NFASC: variants seen among roughly 807,000 people sequenced by gnomAD.
NFASC encodes neurofascin.
A neutral mutation model predicts 147.5 loss-of-function variants in NFASC; 43 were observed. The observed-to-expected ratio is 0.29, with a 90% CI of 0.23 to 0.38. The LOEUF (loss-of-function observed/expected upper bound fraction) is 0.38. Ranked by LOEUF, NFASC falls within the 10% of genes least tolerant of loss-of-function variation. The probability of loss-of-function intolerance (pLI) is 1.00; values close to 1 mark genes in which losing one functional copy is unlikely to be tolerated. For synonymous variants in NFASC, 622 were observed against 665.5 expected (o/e 0.93, Z 1.01); for missense variants, 1,320 against 1,689.0 (o/e 0.78, Z 3.83).
rs1057226282 is a variant in NFASC at position 204,910,622 on chromosome 1, T to C, written c.-199-10010T>C. On this transcript the variant is annotated intron_variant, in intron 1 of 29. Transcript: ENST00000339876. ...GCAAGACACCACATCCAGGCTTGCA[T>C]CTGGATGTGCTGAGTTGCACCTGCA... Among the ~76,000 whole-genome samples, 7 of 152,058 alleles carry C rather than the reference T, an allele frequency of 4.6e-5. No homozygotes were observed. The South Asian group carries it at 1.5e-3, about 32-fold the overall frequency.
At chr1:204,992,157 G>C (rs1439688020) in intron 24 of NFASC, among the ~76,000 whole-genome samples, 3 of 152,126 alleles carry the variant, frequency 2.0e-5, no homozygotes, top group African/African-American at 7.2e-5. Flanking sequence ...GGGACCCCAG[G>C]GTTCCTTTCC....
intron 1 of NFASC, among the ~76,000 whole-genome samples, chr1:204,847,526 T>C (rs1190371139): frequency 6.6e-6 from 1 of 152,178 alleles, no homozygotes; most frequent in Non-Finnish European, 1.5e-5. Flanking sequence ...CTTCTTACCT[T>C]GGGGCTGCTG....
rs1388388198 is a variant in NFASC at position 204,944,501 on chromosome 1, A to G, written c.91+95A>G. 12 of 921,136 alleles carry G rather than the reference A, an allele frequency of 1.3e-5. No individual in the cohort carries two copies. The Admixed American group carries it at 2.4e-4, about 18-fold the overall frequency. 57.1% of individuals were successfully genotyped at this position (921,136 alleles called of 1,614,324 possible). ...GTCAGAGGAAAGTTCAGATAATCCA[A>G]GGAGATTGAGGAGAGGGGACGCAGT... On this transcript the variant is annotated intron_variant, in intron 3 of 29. Coordinates refer to ENST00000339876, the MANE Select transcript of NFASC (RefSeq NM_001005388.3).
chr1:204,953,592 G>A (rs1197011413), intron 5 of NFASC, among the ~76,000 whole-genome samples: 1 of 152,124 alleles, frequency 6.6e-6, no homozygotes, highest in African/African-American at 2.4e-5. Flanking sequence ...CACCGCGCCC[G>A]GCCAAAAGCT....
Position 204,968,526 on chromosome 1 carries a change from A to G in NFASC, c.818+166A>G. The stretch of plus-strand genomic sequence containing the variant: ...GGTGTTGCAAACCATAGTCATCTCC[A>G]TCCTATCCTGGCCATCTCTGTTTTG... On this transcript the variant is annotated intron_variant, in intron 9 of 29. Coordinates refer to ENST00000339876, the MANE Select transcript of NFASC (RefSeq NM_001005388.3). This position sits in a 1 kb window ranked among gnomAD's most constrained non-coding sequence, Gnocchi z 5.4. 1 of 626,740 alleles carries G rather than the reference A, an allele frequency of 1.6e-6. No homozygotes were observed. The highest frequency in any genetic ancestry group is 1.9e-5 in the South Asian group (1 of 51,354). The allele number at this position is 626,740 out of a possible 1,614,324, so 38.8% of individuals were successfully genotyped here.
At chr1:204,933,481 A>G (rs1309937445) in intron 2 of NFASC, among the ~76,000 whole-genome samples, 1 of 152,200 alleles carries the variant, frequency 6.6e-6, no homozygotes, top group African/African-American at 2.4e-5. Flanking sequence ...CAATGGAGAC[A>G]CTGAATTTTA....
intron 3 of NFASC, 124 bp from the exon 4 acceptor site, chr1:204,950,433 C>T: frequency 7.0e-6 from 6 of 856,692 alleles, no homozygotes; most frequent in East Asian, 2.6e-5. Flanking sequence ...CTGTGCTCAG[C>T]GCCCTCCCCA....
chr1:204,857,214 C>A (rs2076230342), intron 1 of NFASC, among the ~76,000 whole-genome samples: 1 of 152,218 alleles, frequency 6.6e-6, no homozygotes, highest in Admixed American at 6.5e-5. Context: ...GAAGATGACC[C>A]CTTACAATTT....
intron 1 of NFASC, among the ~76,000 whole-genome samples, chr1:204,865,455 A>G (rs2077032094): frequency 6.6e-6 from 1 of 152,214 alleles, no homozygotes; most frequent in African/African-American, 2.4e-5. Flanking sequence ...CTGTAGTGTG[A>G]GGTTTGTAGT....
In NFASC at chr1:204,870,691, C is replaced by T. The variant is rs866949987; in HGVS notation, c.-200+41909C>T. Reference sequence around the variant, plus strand: ...GCGGTGAGCGAGTGAGCAAGCCGGCCGAGGGAGGGGTGAGTGGTTATTAAT... The same window carrying T: ...GCGGTGAGCGAGTGAGCAAGCCGGCTGAGGGAGGGGTGAGTGGTTATTAAT... On this transcript the variant is annotated intron_variant, in intron 1 of 29. Coordinates refer to ENST00000339876, the MANE Select transcript of NFASC (RefSeq NM_001005388.3). 54 of 1,080,380 alleles carry T rather than the reference C, an allele frequency of 5.0e-5. 1 individual carries two copies. In the East Asian group the frequency reaches 1.7e-3, roughly 34 times the overall value. The allele number at this position is 1,080,380 out of a possible 1,614,324, so 66.9% of individuals were successfully genotyped here. A position where few individuals can be genotyped will look rare whatever the true frequency, so the allele number is the denominator to read the frequency against.
intron 3 of NFASC, chr1:204,946,198 G>A (rs1228797263): frequency 4.8e-6 from 2 of 416,840 alleles, no homozygotes; most frequent in East Asian, 1.4e-4. Context: ...CTAGCTTAGA[G>A]TCACACAGCA....
rs192213968 is a variant in NFASC at position 204,903,100 on chromosome 1, T to A, written c.-199-17532T>A. ...TTTGCTTCAGTGACATTGGGCTAAT[T>A]TGACTAGATGATTGCCAAGTCCCCC... On this transcript the variant is annotated intron_variant, in intron 1 of 29. Coordinates refer to ENST00000339876, the MANE Select transcript of NFASC (RefSeq NM_001005388.3). Among the ~76,000 whole-genome samples, 78 of 152,330 alleles carry A rather than the reference T, an allele frequency of 5.1e-4. No homozygotes were observed. The East Asian group carries it at 0.014, about 28-fold the overall frequency.
intron 1 of NFASC, among the ~76,000 whole-genome samples, chr1:204,887,737 C>A (rs2148983129): frequency 6.6e-6 from 1 of 152,034 alleles, no homozygotes; most frequent in South Asian, 2.1e-4. Context: ...GCTGGGACCA[C>A]AGGTGTGTAC....
At chr1:204,988,934 C>T (rs1348588937) in intron 23 of NFASC, 128 bp downstream of exon 23, 6 of 852,638 alleles carry the variant, frequency 7.0e-6, no homozygotes, top group South Asian at 3.0e-5. Context: ...CTCAAGCCCT[C>T]GGAAGGTGAG....
chr1:204,856,383 G>GT (rs2076162444), intron 1 of NFASC, among the ~76,000 whole-genome samples: 2 of 3,292 alleles, frequency 6.1e-4, no homozygotes, highest in East Asian at 0.083. Context: ...TGCAGAACAG[G>GT]TGTGTGTGTG....
intron 1 of NFASC, among the ~76,000 whole-genome samples, chr1:204,882,335 G>T (rs1294688256): frequency 6.6e-6 from 1 of 151,974 alleles, no homozygotes; most frequent in Non-Finnish European, 1.5e-5. Context: ...AGTTCCCCCT[G>T]CTCTGCCGGG....
intron 21 of NFASC, among the ~76,000 whole-genome samples, chr1:204,982,427 C>G (rs1161677930): frequency 6.6e-6 from 1 of 152,218 alleles, no homozygotes; most frequent in Admixed American, 6.5e-5. Context: ...TCCTAAAGAG[C>G]TATAATTAGA....
chr1:204,985,969 G>A (rs1290685879), intron 21 of NFASC: 3 of 1,613,878 alleles, frequency 1.9e-6, no homozygotes, highest in Middle Eastern at 1.7e-4. Flanking sequence ...AGAAGAGACA[G>A]CAAGCCAGCT....
chr1:204,974,850 G>A, intron 14 of NFASC, 27 bp downstream of exon 14: 1 of 1,610,162 alleles, frequency 6.2e-7, no homozygotes, highest in Non-Finnish European at 8.5e-7. Flanking sequence ...GCCAGTGGGA[G>A]TTTGGAGAGG....
Sources: gnomAD v4.1 joint callset for allele counts (sites outside exome capture counted in the v4.1 genomes callset) on GRCh38, gnomAD v4.1.1 for gene constraint, Gnocchi (gnomAD v3.1) non-coding constraint, MANE v1.5 for transcripts, NCBI Gene and HGNC (gene_info 2026-07-23, HGNC 2026-07-21) for gene names.